Variants in CHCHD3 observed in about 807,000 individuals in gnomAD.
CHCHD3 encodes MICOS complex subunit MIC19.
CHCHD3 carries 20 observed loss-of-function variants against 38.2 expected under a neutral mutation model. The ratio of observed to expected loss-of-function variants is 0.52; its 90% confidence interval spans 0.37 to 0.76. CHCHD3 has a LOEUF of 0.76. Among genes scored for constraint, CHCHD3 ranks in the 30% least tolerant of loss-of-function variants. CHCHD3 has a pLI of 0.00. For missense variants in CHCHD3, 245 were observed against 279.2 expected (o/e 0.88, Z 0.87); for synonymous variants, 82 against 100.0 (o/e 0.82, Z 1.07).
At chr7:132,927,551 C>T (rs1411262887) in intron 4 of CHCHD3, among the ~76,000 whole-genome samples, 2 of 152,122 alleles carry the variant, frequency 1.3e-5, no homozygotes, top group African/African-American at 4.8e-5. Flanking sequence ...TAGATGGAAG[C>T]GATTGGTTAA....
chr7:132,968,405 A>C (rs76611767), intron 4 of CHCHD3, among the ~76,000 whole-genome samples: 2,867 of 152,264 alleles, frequency 0.019, 104 homozygotes, highest in African/African-American at 0.065. Context: ...CTAACACCTA[A>C]ATGGCCCAAA....
At chr7:132,916,170 A>G (rs1030320789) in intron 4 of CHCHD3, among the ~76,000 whole-genome samples, 4 of 152,172 alleles carry the variant, frequency 2.6e-5, no homozygotes, top group Non-Finnish European at 5.9e-5. Context: ...TTTTGATTTT[A>G]AAAATCCACA....
chr7:132,847,538 G>A (rs560533651), intron 5 of CHCHD3: 1 of 152,348 alleles, frequency 6.6e-6, no homozygotes, highest in Admixed American at 6.5e-5. Context: ...CAACAAGAGT[G>A]GGCATCATTC....
intron 6 of CHCHD3, among the ~76,000 whole-genome samples, chr7:132,822,756 T>C (rs1807414068): frequency 6.6e-6 from 1 of 152,132 alleles, no homozygotes; most frequent in African/African-American, 2.4e-5. Context: ...CCTTAGGGTT[T>C]AGGTATGAGT....
chr7:133,016,727 T>G (rs1813041474), intron 3 of CHCHD3, among the ~76,000 whole-genome samples: 1 of 152,220 alleles, frequency 6.6e-6, no homozygotes, highest in African/African-American at 2.4e-5. Flanking sequence ...ACAGGGACTC[T>G]CTCTGAATAT....
intron 3 of CHCHD3, among the ~76,000 whole-genome samples, chr7:133,003,236 CA>C (rs202075212): frequency 6.7e-6 from 1 of 150,148 alleles, no homozygotes; most frequent in Non-Finnish European, 1.5e-5. Context: ...GTGAAACTCC[CA>C]CTATTGCCAA....
At chr7:132,841,308 T>C (rs187739428) in intron 5 of CHCHD3, among the ~76,000 whole-genome samples, 1 of 150,072 alleles carries the variant, frequency 6.7e-6, no homozygotes, top group Non-Finnish European at 1.5e-5. Flanking sequence ...AAATGCCGAG[T>C]TAAAAGTCAT....
intron 2 of CHCHD3, among the ~76,000 whole-genome samples, chr7:133,060,775 T>C (rs1481433775): frequency 1.3e-5 from 2 of 152,136 alleles, no homozygotes; most frequent in African/African-American, 4.8e-5. Context: ...CCAGGCGTGG[T>C]GGCGGGAGCC....
chr7:132,901,714 A>T (rs1809673644), intron 4 of CHCHD3, among the ~76,000 whole-genome samples: 1 of 152,188 alleles, frequency 6.6e-6, no homozygotes, highest in African/African-American at 2.4e-5. Context: ...TCTGGATATT[A>T]GCCCTTTGTC....
intron 2 of CHCHD3, among the ~76,000 whole-genome samples, chr7:133,048,688 T>C (rs977905757): frequency 2.0e-5 from 3 of 152,208 alleles, no homozygotes; most frequent in South Asian, 2.1e-4. Context: ...CCTAAAACAA[T>C]TGAAAACCTC....
At chr7:133,040,711 G>A (rs1026725419) in intron 2 of CHCHD3, among the ~76,000 whole-genome samples, 8 of 152,064 alleles carry the variant, frequency 5.3e-5, no homozygotes, top group Admixed American at 1.3e-4. Flanking sequence ...CCATGAACAC[G>A]TCGATGATGT....
chr7:132,978,612 A>G (rs1210338362), intron 3 of CHCHD3, among the ~76,000 whole-genome samples: 1 of 152,210 alleles, frequency 6.6e-6, no homozygotes, highest in Non-Finnish European at 1.5e-5. Flanking sequence ...AAAGAACACA[A>G]GGCGATGGTA....
chr7:132,796,552 C>A lies in CHCHD3; in HGVS notation c.550G>T (p.Ala184Ser). 6.2e-7 allele frequency: 1 copy of A among 1,613,862 alleles called. No individual in the cohort carries two copies. Among genetic ancestry groups the A allele is most frequent in the South Asian group, 1.1e-5 (1 of 91,068 alleles). The change falls in exon 7 of 8, where the codon GCT becomes TCT. Residue 184 changes from alanine to serine, a missense_variant. Ala to Ser is a moderately conservative substitution (Grantham distance 99, BLOSUM62 1). Coordinates refer to ENST00000262570, the MANE Select transcript of CHCHD3 (RefSeq NM_017812.4). Reference sequence around the variant, plus strand: ...TGAAGAATTTTGGCCTGCAGATCAGCACAGACTGGATGAGACTCATATCGC... The same window carrying A: ...TGAAGAATTTTGGCCTGCAGATCAGAACAGACTGGATGAGACTCATATCGC... ...FKRYESHPVC[A>S]DLQAKILQCY...
intron 1 of CHCHD3, among the ~76,000 whole-genome samples, chr7:133,081,536 C>T (rs1341743791): frequency 6.6e-6 from 1 of 152,160 alleles, no homozygotes; most frequent in Non-Finnish European, 1.5e-5. Context: ...GACAAGTACA[C>T]CGAGGTATGG....
chr7:132,973,254 G>A, intron 4 of CHCHD3: 1 of 985,370 alleles, frequency 1.0e-6, no homozygotes, highest in Non-Finnish European at 1.2e-6. Flanking sequence ...GTATTCTTCT[G>A]CCCGCTGGAA....
At chr7:132,840,748 G>T (rs1447712589) in intron 5 of CHCHD3, among the ~76,000 whole-genome samples, 1 of 152,032 alleles carries the variant, frequency 6.6e-6, no homozygotes, top group South Asian at 2.1e-4. Context: ...GATTCTAAAT[G>T]GTAAAAAGTA....
chr7:132,820,610 T>TG, intron 6 of CHCHD3, among the ~76,000 whole-genome samples: 1 of 131,516 alleles, frequency 7.6e-6, no homozygotes, highest in African/African-American at 2.8e-5. Context: ...AATGTGCTAG[T>TG]GTTTTTTTTT....
chr7:132,940,157 G>A (rs1001545567), intron 4 of CHCHD3, among the ~76,000 whole-genome samples: 1 of 152,180 alleles, frequency 6.6e-6, no homozygotes, highest in African/African-American at 2.4e-5. Context: ...CAGCTACTCA[G>A]ATGAAATTTT....
intron 4 of CHCHD3, among the ~76,000 whole-genome samples, chr7:132,900,890 C>T (rs1182049383): frequency 6.6e-6 from 1 of 152,140 alleles, no homozygotes; most frequent in South Asian, 2.1e-4. Flanking sequence ...ACTCAGGAGG[C>T]TGAGGCAGGA....
Sources: gnomAD v4.1 joint callset for allele counts (sites outside exome capture counted in the v4.1 genomes callset) on GRCh38, gnomAD v4.1.1 for gene constraint, MANE v1.5 for transcripts, NCBI Gene and HGNC (gene_info 2026-07-23, HGNC 2026-07-21) for gene names.